Variants in NFIA observed in about 807,000 individuals in gnomAD.
NFIA encodes the protein nuclear factor I A, also known as nuclear factor 1 A-type.
NFIA carries 8 observed loss-of-function variants against 62.8 expected under a neutral mutation model. The ratio of observed to expected loss-of-function variants is 0.13; its 90% CI spans 0.07 to 0.23. The LOEUF is 0.23. NFIA is among the 10% of genes least tolerant of loss of function. The pLI is 1.00. For missense variants in NFIA, 410 were observed against 642.1 expected (o/e 0.64, Z 3.91); for synonymous variants, 235 against 238.1 (o/e 0.99, Z 0.12).
intron 3 of NFIA, among the ~76,000 whole-genome samples, chr1:61,323,631 A>C (rs571692298): frequency 2.6e-5 from 4 of 152,322 alleles, no homozygotes; most frequent in African/African-American, 9.6e-5. Flanking sequence ...CAGAAATTTA[A>C]AATTTGGCAT....
At chr1:61,123,144 A>G (rs1263016217) in intron 2 of NFIA, among the ~76,000 whole-genome samples, 3 of 152,176 alleles carry the variant, frequency 2.0e-5, no homozygotes, top group Non-Finnish European at 2.9e-5. Flanking sequence ...TCTAGCTTCT[A>G]AATGTAATTT....
chr1:61,439,291 AG>A (rs1667472887), intron 10 of NFIA, among the ~76,000 whole-genome samples: 1 of 152,168 alleles, frequency 6.6e-6, no homozygotes, highest in Non-Finnish European at 1.5e-5. Flanking sequence ...AGAGAAGAAT[AG>A]AAAGTGAGAA....
intron 2 of NFIA, among the ~76,000 whole-genome samples, chr1:61,182,431 A>G (rs1650819283): frequency 6.6e-6 from 1 of 152,252 alleles, no homozygotes; most frequent in Admixed American, 6.5e-5. Context: ...AGTTTCAGAA[A>G]CAATTGAAAA....
At chr1:61,264,661 A>C (rs1392561930) in intron 2 of NFIA, among the ~76,000 whole-genome samples, 6 of 106,168 alleles carry the variant, frequency 5.7e-5, no homozygotes, top group African/African-American at 2.1e-4. Context: ...TACAAAAAAA[A>C]AAAAAAAAAA....
intron 2 of NFIA, among the ~76,000 whole-genome samples, chr1:61,130,994 T>A (rs1292606413): frequency 6.6e-6 from 1 of 152,156 alleles, no homozygotes; most frequent in Non-Finnish European, 1.5e-5. Context: ...AATCTAGTCT[T>A]CCTTGTTCCT....
intron 3 of NFIA, among the ~76,000 whole-genome samples, chr1:61,323,467 T>C (rs939173182): frequency 2.6e-5 from 4 of 152,242 alleles, no homozygotes; most frequent in African/African-American, 9.6e-5. Flanking sequence ...AGAATATATA[T>C]GTACTTTTAT....
chr1:61,225,276 G>C (rs1387629733), intron 2 of NFIA, among the ~76,000 whole-genome samples: 1 of 149,878 alleles, frequency 6.7e-6, no homozygotes, highest in Non-Finnish European at 1.5e-5. Context: ...TTTTGAGACT[G>C]AGTCTCGCTT....
At position 61,455,373 on chromosome 1, in the gene NFIA, T is replaced by G. The variant is rs1241906187; in HGVS notation, c.*53T>G. On this transcript the variant is annotated 3_prime_UTR_variant, in exon 11 of 11. Coordinates refer to ENST00000403491, the MANE Select transcript of NFIA (RefSeq NM_001134673.4). ...ACAGACCACCTGACCCCTTCTCAACTCTGTAACATGGACGCAACCTCAACC... is the reference window on the plus strand; with the variant it reads ...ACAGACCACCTGACCCCTTCTCAACGCTGTAACATGGACGCAACCTCAACC... The G allele has an allele frequency of 6.2e-7, 1 of 1,613,950 alleles. No homozygotes were observed.
intron 2 of NFIA, among the ~76,000 whole-genome samples, chr1:61,257,836 A>G (rs1171839661): frequency 6.8e-6 from 1 of 147,814 alleles, no homozygotes; most frequent in Non-Finnish European, 1.5e-5. Flanking sequence ...CAGCCTCCTG[A>G]GTAACTAGGA....
At chr1:61,231,853 A>G (rs571577965) in intron 2 of NFIA, among the ~76,000 whole-genome samples, 61 of 151,944 alleles carry the variant, frequency 4.0e-4, no homozygotes, top group African/African-American at 1.4e-3. Context: ...GTAAAAAACA[A>G]ACAAACAAAC....
chr1:61,270,146 G>A (rs973195449), intron 2 of NFIA, among the ~76,000 whole-genome samples: 2 of 152,212 alleles, frequency 1.3e-5, no homozygotes, highest in Non-Finnish European at 2.9e-5. Flanking sequence ...CGAAAAACTT[G>A]TTGGGATGTG....
At chr1:61,122,485 A>C (rs1019676872) in intron 2 of NFIA, among the ~76,000 whole-genome samples, 1 of 152,224 alleles carries the variant, frequency 6.6e-6, no homozygotes, top group African/African-American at 2.4e-5. Context: ...ACATAAAAAA[A>C]GGTGGTAATT....
intron 3 of NFIA, among the ~76,000 whole-genome samples, chr1:61,307,701 A>G (rs1659874919): frequency 6.6e-6 from 1 of 152,220 alleles, no homozygotes. Context: ...TCCCCAGCAC[A>G]AGGAGGTTGG....
At chr1:61,342,895 C>T (rs939739490) in intron 4 of NFIA, among the ~76,000 whole-genome samples, 5 of 152,238 alleles carry the variant, frequency 3.3e-5, no homozygotes, top group East Asian at 1.9e-4. Context: ...TAACTCTCAG[C>T]GTAGTTTCTC....
In NFIA at chr1:61,333,246, C is replaced by G. The variant is rs563929195; in HGVS notation, c.700+660C>G. Among the ~76,000 whole-genome samples, 8 of 151,986 alleles carry G rather than the reference C, an allele frequency of 5.3e-5. No individual in the cohort carries two copies. The South Asian group carries it at 1.7e-3, about 32-fold the overall frequency. Reference sequence around the variant, plus strand: ...TACTCCTCCAACTACTTCAAAATACCACTTGTAGGTAAAATTTACATGGTT... The same window carrying G: ...TACTCCTCCAACTACTTCAAAATACGACTTGTAGGTAAAATTTACATGGTT... On this transcript the variant is annotated intron_variant, in intron 4 of 10. Transcript: ENST00000403491.
At chr1:61,080,727 C>T (rs1646085344), upstream of NFIA, among the ~76,000 whole-genome samples, 1 of 152,160 alleles carries the variant, frequency 6.6e-6, no homozygotes, top group African/African-American at 2.4e-5. Flanking sequence ...CTCCTCACTC[C>T]TTAGTAAATA....
chr1:61,115,009 T>C (rs1270028419), intron 2 of NFIA, among the ~76,000 whole-genome samples: 1 of 152,208 alleles, frequency 6.6e-6, no homozygotes, highest in Non-Finnish European at 1.5e-5. Context: ...GGTTAGAATC[T>C]CACTCTGTCA....
intron 9 of NFIA, among the ~76,000 whole-genome samples, chr1:61,421,540 T>G (rs1666620647): frequency 6.6e-6 from 1 of 152,204 alleles, no homozygotes; most frequent in Admixed American, 6.5e-5. Context: ...CTGCCAGGGT[T>G]TAGGGTACCT....
chr1:61,436,605 G>A (rs566086413), intron 10 of NFIA, among the ~76,000 whole-genome samples: 3 of 152,232 alleles, frequency 2.0e-5, no homozygotes, highest in South Asian at 2.1e-4. Flanking sequence ...GAGATCCATC[G>A]AAGATCTCAC....
Sources: allele counts gnomAD v4.1 joint callset (sites outside exome capture counted in the v4.1 genomes callset), GRCh38; gene constraint gnomAD v4.1.1; transcripts MANE v1.5; gene names NCBI Gene and HGNC (gene_info 2026-07-23, HGNC 2026-07-21).